AKAP7: variants seen among roughly 807,000 people sequenced by gnomAD.
The protein encoded by AKAP7 is A-kinase anchoring protein 7, also known as A kinase (PRKA) anchor protein 7.
In AKAP7, 39 loss-of-function variants were observed where a neutral mutation model predicts 39.5. The ratio of observed to expected loss-of-function variants is 0.99; its 90% CI spans 0.76 to 1.29. The LOEUF (loss-of-function observed/expected upper bound fraction) is 1.29, where lower values mean the gene tolerates loss of function less well. Among genes scored for constraint, AKAP7 ranks in the 50% most tolerant of loss-of-function variants. The probability of loss-of-function intolerance (pLI) is 0.00; values close to 1 mark genes in which losing one functional copy is unlikely to be tolerated. For missense variants in AKAP7, 414 were observed against 407.7 expected (o/e 1.02, Z -0.13); for synonymous variants, 140 against 139.1 (o/e 1.01, Z -0.05).
chr6:131,245,021 C>T (rs1344182092), intron 7 of AKAP7, among the ~76,000 whole-genome samples: 1 of 152,098 alleles, frequency 6.6e-6, no homozygotes, highest in African/African-American at 2.4e-5. Flanking sequence ...TTCTTGGCTT[C>T]CAAATTTCAC....
At chr6:131,132,858 G>A (rs141275457), upstream of AKAP7, among the ~76,000 whole-genome samples, 1,059 of 152,300 alleles carry the variant, frequency 7.0e-3, 5 homozygotes, top group Non-Finnish European at 0.011. Flanking sequence ...GTTTAATCAC[G>A]ATAAAGGTGG....
intron 7 of AKAP7, among the ~76,000 whole-genome samples, chr6:131,239,340 A>T (rs1304246806): frequency 6.6e-6 from 1 of 151,812 alleles, no homozygotes; most frequent in East Asian, 1.9e-4. Flanking sequence ...TGCCCTTAAC[A>T]TTTTTTCCTT....
In AKAP7 at chr6:131,242,804, TCTTATA is replaced by T. The variant is rs575836920; in HGVS notation, c.850+23001_850+23006del. 1.9e-3 allele frequency among the ~76,000 whole-genome samples: 292 copies of T among 152,262 alleles called. 3 individuals are homozygous for T. The Middle Eastern group carries it at 0.031, about 16-fold the overall frequency. ...AAGTCTGCTGGGGACCTCAGCAGTT[TCTTATA>T]CTTAATCTACTGACTAGTATTTGTA... On this transcript the variant is annotated intron_variant, in intron 7 of 7. Coordinates refer to ENST00000431975, the MANE Select transcript of AKAP7 (RefSeq NM_016377.4).
rs568235200 is a variant in AKAP7, at chr6:131,201,766, T to A, written c.702+2193T>A. Among the ~76,000 whole-genome samples the A allele has an allele frequency of 5.7e-3, 866 of 152,288 alleles. 10 individuals carry two copies. The highest frequency in any genetic ancestry group is 0.02 in the African/African-American group (843 of 41,556). ...CTTTAATCCATCTTGAATTAATTTT[T>A]GTATAAGGTGTAAGGAAGGGATCCA... On this transcript the variant is annotated intron_variant, in intron 6 of 7. Transcript: ENST00000431975.
rs186621319 is a variant in AKAP7, at chr6:131,283,066, T to C, written c.*1340T>C. The C allele has an allele frequency of 5.4e-4, 83 of 153,560 alleles. No individual in the cohort carries two copies. The highest frequency in any genetic ancestry group is 9.9e-4 in the Non-Finnish European group (68 of 68,600). The allele number at this position is 153,560 out of a possible 1,614,324, so 9.5% of individuals were successfully genotyped here. On this transcript the variant is annotated 3_prime_UTR_variant, in exon 8 of 8. Transcript: ENST00000431975. Reference sequence around the variant, plus strand: ...GAGAATTTGAATGTTTATTGAACAATAGTACTTGAATGAACATTTATAAAT... The same window carrying C: ...GAGAATTTGAATGTTTATTGAACAACAGTACTTGAATGAACATTTATAAAT...
In AKAP7 at chr6:131,242,098, T is replaced by A. The variant is rs927313096; in HGVS notation, c.850+22290T>A. On this transcript the variant is annotated intron_variant, in intron 7 of 7. Coordinates refer to ENST00000431975, the MANE Select transcript of AKAP7 (RefSeq NM_016377.4). ...GTTTTATATAAAATGCCTAAGGGAC[T>A]GAGTGTGAGCAACTGAGAAAACAAC... 8 of 983,284 alleles carry A rather than the reference T, an allele frequency of 8.1e-6. No individual in the cohort carries two copies. In the Admixed American group the frequency reaches 4.9e-4, roughly 60 times the overall value. 60.9% of individuals were successfully genotyped at this position (983,284 alleles called of 1,614,324 possible). A position where few individuals can be genotyped will look rare whatever the true frequency, so the allele number is the denominator to read the frequency against.
intron 5 of AKAP7, among the ~76,000 whole-genome samples, chr6:131,193,433 T>C (rs1369258205): frequency 1.3e-5 from 2 of 152,150 alleles, no homozygotes; most frequent in Non-Finnish European, 2.9e-5. Flanking sequence ...TCTCATTTGG[T>C]CATGATAAAT....
chr6:131,215,305 C>A (rs576893159), intron 6 of AKAP7, among the ~76,000 whole-genome samples: 1 of 152,338 alleles, frequency 6.6e-6, no homozygotes, highest in East Asian at 1.9e-4. Flanking sequence ...TAGACTGGCC[C>A]AGAGCGGCCA....
At chr6:131,162,569 A>G (rs753161354) in intron 3 of AKAP7, among the ~76,000 whole-genome samples, 1 of 152,148 alleles carries the variant, frequency 6.6e-6, no homozygotes, top group Non-Finnish European at 1.5e-5. Flanking sequence ...CAACCTGCTT[A>G]TATACTTCAG....
chr6:131,244,711 T>C (rs1366976069), intron 7 of AKAP7, among the ~76,000 whole-genome samples: 1 of 152,200 alleles, frequency 6.6e-6, no homozygotes, highest in South Asian at 2.1e-4. Context: ...TCGGAATGAC[T>C]CTTGTGGATT....
intron 7 of AKAP7, among the ~76,000 whole-genome samples, chr6:131,279,040 TGTAGA>T (rs1032612424): frequency 6.6e-6 from 1 of 152,154 alleles, no homozygotes; most frequent in African/African-American, 2.4e-5. Context: ...GACGTTTCTC[TGTAGA>T]GTAAATAGTG....
chr6:131,237,842 T>C (rs1811201533), intron 7 of AKAP7, among the ~76,000 whole-genome samples: 1 of 152,204 alleles, frequency 6.6e-6, no homozygotes, highest in Admixed American at 6.5e-5. Flanking sequence ...TTTGTTGATC[T>C]TTTCCAAAAA....
At chr6:131,207,490 AAT>A (rs1808223457) in intron 6 of AKAP7, among the ~76,000 whole-genome samples, 2 of 80,892 alleles carry the variant, frequency 2.5e-5, no homozygotes, top group Non-Finnish European at 2.7e-5. Context: ...GGCTAATTAA[AAT>A]TTTTTTTTTT....
chr6:131,225,844 T>C (rs1293595849), intron 7 of AKAP7, among the ~76,000 whole-genome samples: 2 of 152,232 alleles, frequency 1.3e-5, no homozygotes, highest in African/African-American at 4.8e-5. Flanking sequence ...TAGAAATTAT[T>C]TTCTAGGATT....
chr6:131,235,500 G>T lies in AKAP7; in HGVS notation c.850+15692G>T, dbSNP rs534600710. On this transcript the variant is annotated intron_variant, in intron 7 of 7. Transcript: ENST00000431975. Reference sequence around the variant, plus strand: ...AATGGCCACACTGACTTCCACAATGGTTGAACTAGTTTACAGTCCCACCAA... The same window carrying T: ...AATGGCCACACTGACTTCCACAATGTTTGAACTAGTTTACAGTCCCACCAA... Among the ~76,000 whole-genome samples, 6 of 152,308 alleles carry T rather than the reference G, an allele frequency of 3.9e-5. No homozygotes were observed. The South Asian group carries it at 1.2e-3, about 32-fold the overall frequency.
chr6:131,259,104 A>G (rs1215176051), intron 7 of AKAP7, among the ~76,000 whole-genome samples: 1 of 152,232 alleles, frequency 6.6e-6, no homozygotes, highest in Non-Finnish European at 1.5e-5. Flanking sequence ...GGCATTTGCC[A>G]TGTGAATTAC....
intron 1 of AKAP7, among the ~76,000 whole-genome samples, chr6:131,139,776 G>A (rs1318259378): frequency 2.0e-5 from 3 of 152,208 alleles, no homozygotes; most frequent in Admixed American, 1.3e-4. Flanking sequence ...AAGGAACTTC[G>A]ACTATGGTGA....
chr6:131,282,107 G>C lies in AKAP7; in HGVS notation c.*381G>C. ...AGGGCATTTGACTACTTTATCTGAG[G>C]CCAGAACTCTCACACACAGCTATCA... is the stretch of plus-strand genomic sequence containing the variant. On this transcript the variant is annotated 3_prime_UTR_variant, in exon 8 of 8. Transcript: ENST00000431975. The C allele has an allele frequency of 8.7e-7, 1 of 1,153,852 alleles. No homozygotes were observed. The highest frequency in any genetic ancestry group is 4.3e-5 in the Admixed American group (1 of 23,296). 71.5% of individuals were successfully genotyped at this position (1,153,852 alleles called of 1,614,324 possible).
chr6:131,145,479 A>T (rs1418081797), intron 2 of AKAP7, 63 bp downstream of exon 2: 9 of 1,124,444 alleles, frequency 8.0e-6, no homozygotes, highest in Non-Finnish European at 1.1e-5. Context: ...AGTTATATAT[A>T]TATTTTTTTC....
Sources: gnomAD v4.1 joint callset for allele counts (sites outside exome capture counted in the v4.1 genomes callset) on GRCh38, gnomAD v4.1.1 for gene constraint, MANE v1.5 for transcripts, NCBI Gene and HGNC (gene_info 2026-07-23, HGNC 2026-07-21) for gene names.